Variants in NALF1 observed in about 807,000 individuals in gnomAD.
NALF1 encodes family with sequence similarity 155 member A.
In NALF1, 3 loss-of-function variants were observed where a neutral mutation model predicts 48.4. That is an observed-to-expected ratio of 0.06 (90% CI 0.03 to 0.16). The LOEUF (loss-of-function observed/expected upper bound fraction) is 0.16. Ranked by LOEUF, NALF1 falls within the 10% of genes least tolerant of loss-of-function variation. The probability of loss-of-function intolerance (pLI) is 1.00; values close to 1 mark genes in which losing one functional copy is unlikely to be tolerated. For synonymous variants in NALF1, 262 were observed against 245.7 expected (o/e 1.07, Z -0.62); for missense variants, 526 against 571.5 (o/e 0.92, Z 0.81).
chr13:107,234,556 G>C (rs1880299392), intron 1 of NALF1, among the ~76,000 whole-genome samples: 1 of 152,140 alleles, frequency 6.6e-6, no homozygotes, highest in East Asian at 1.9e-4. Flanking sequence ...CCGGCCCTGA[G>C]CTCAGCAGTT....
chr13:107,517,967 A>C (rs1052481037), intron 1 of NALF1, among the ~76,000 whole-genome samples: 1 of 152,102 alleles, frequency 6.6e-6, no homozygotes, highest in Admixed American at 6.5e-5. Flanking sequence ...AACAAACAAA[A>C]ACTTAACGTA....
chr13:107,318,279 T>C (rs12584865), intron 1 of NALF1, among the ~76,000 whole-genome samples: 6,645 of 152,238 alleles, frequency 0.044, 229 homozygotes, highest in East Asian at 0.19. Context: ...TGTTATCAAC[T>C]GCACAATTCC....
chr13:107,545,519 C>G (rs1230909151), intron 1 of NALF1, among the ~76,000 whole-genome samples: 1 of 152,110 alleles, frequency 6.6e-6, no homozygotes, highest in African/African-American at 2.4e-5. Context: ...CTGTGTTTAT[C>G]TCAGGAAGGA....
At chr13:107,489,687 A>G (rs1885384664) in intron 1 of NALF1, among the ~76,000 whole-genome samples, 1 of 152,180 alleles carries the variant, frequency 6.6e-6, no homozygotes, top group Admixed American at 6.5e-5. Context: ...AACCTAGGCA[A>G]TACCATTCAG....
chr13:107,280,949 G>C, intron 1 of NALF1, among the ~76,000 whole-genome samples: 1 of 152,132 alleles, frequency 6.6e-6, no homozygotes, highest in South Asian at 2.1e-4. Context: ...GCATAATGGA[G>C]CTTTATCTTT....
chr13:107,698,348 G>A (rs1345695398), intron 1 of NALF1, among the ~76,000 whole-genome samples: 1 of 152,052 alleles, frequency 6.6e-6, no homozygotes, highest in African/African-American at 2.4e-5. Context: ...AAGTAATTGT[G>A]GCAATTTACA....
intron 1 of NALF1, among the ~76,000 whole-genome samples, chr13:107,626,651 A>G (rs1285203463): frequency 6.6e-6 from 1 of 152,126 alleles, no homozygotes; most frequent in African/African-American, 2.4e-5. Context: ...ATGAAACTGG[A>G]TATCATTATG....
intron 1 of NALF1, among the ~76,000 whole-genome samples, chr13:107,288,618 G>A (rs1374411148): frequency 4.8e-5 from 7 of 147,158 alleles, no homozygotes; most frequent in Non-Finnish European, 7.4e-5. Flanking sequence ...TGCAACCTCC[G>A]CCTCCTCAGT....
At chr13:107,474,210 T>C (rs928514055) in intron 1 of NALF1, among the ~76,000 whole-genome samples, 4 of 152,186 alleles carry the variant, frequency 2.6e-5, no homozygotes, top group Non-Finnish European at 4.4e-5. Flanking sequence ...ATCCCTAACA[T>C]TGTCAATGGA....
intron 1 of NALF1, among the ~76,000 whole-genome samples, chr13:107,791,376 A>T (rs1379060972): frequency 6.6e-6 from 1 of 152,146 alleles, no homozygotes; most frequent in Non-Finnish European, 1.5e-5. Flanking sequence ...GCTAGCTATC[A>T]ATCATCTATG....
rs566537560 is a variant in NALF1, at chr13:107,726,223, C to T, written c.915+139459G>A. Among the ~76,000 whole-genome samples, 183 of 152,076 alleles carry T rather than the reference C, an allele frequency of 1.2e-3. 1 individual carries two copies. The highest frequency in any genetic ancestry group is 3.9e-3 in the African/African-American group (164 of 41,530). On this transcript the variant is annotated intron_variant, in intron 1 of 2. Transcript: ENST00000375915. Reference sequence around the variant, plus strand: ...CTTTTTGATGTGCAAAAATGCAACTCTCTTATGTTTTTTATTTTACCAGTA... The same window carrying T: ...CTTTTTGATGTGCAAAAATGCAACTTTCTTATGTTTTTTATTTTACCAGTA...
intron 1 of NALF1, among the ~76,000 whole-genome samples, chr13:107,394,828 GAAC>G (rs1353909291): frequency 6.6e-6 from 1 of 152,006 alleles, no homozygotes; most frequent in African/African-American, 2.4e-5. Flanking sequence ...GGCCTGGAAG[GAAC>G]AATAGGAGAA....
chr13:107,287,907 A>G (rs562672447), intron 1 of NALF1, among the ~76,000 whole-genome samples: 3 of 151,716 alleles, frequency 2.0e-5, no homozygotes, highest in South Asian at 4.2e-4. Flanking sequence ...GGGTTTCATC[A>G]TCTTGGCCAG....
intron 1 of NALF1, among the ~76,000 whole-genome samples, chr13:107,336,421 A>G (rs1882558100): frequency 6.6e-6 from 1 of 151,980 alleles, no homozygotes; most frequent in Admixed American, 6.6e-5. Context: ...CGAGTAGAAA[A>G]ATTACATTTC....
intron 1 of NALF1, among the ~76,000 whole-genome samples, chr13:107,367,523 G>C (rs114611487): frequency 6.6e-6 from 1 of 152,138 alleles, no homozygotes; most frequent in Non-Finnish European, 1.5e-5. Flanking sequence ...GAGAGAACTT[G>C]GAGAGGAATT....
intron 1 of NALF1, among the ~76,000 whole-genome samples, chr13:107,620,029 T>G (rs539930191): frequency 6.6e-6 from 1 of 152,370 alleles, no homozygotes; most frequent in East Asian, 1.9e-4. Flanking sequence ...TGTCACATAT[T>G]AATTGAACAC....
intron 1 of NALF1, among the ~76,000 whole-genome samples, chr13:107,279,339 T>C (rs1430928417): frequency 3.9e-5 from 6 of 152,240 alleles, no homozygotes; most frequent in Non-Finnish European, 5.9e-5. Flanking sequence ...CACTGCAACC[T>C]CTGCCACCCG....
intron 1 of NALF1, among the ~76,000 whole-genome samples, chr13:107,715,647 G>A (rs1226978357): frequency 1.3e-5 from 2 of 152,140 alleles, no homozygotes; most frequent in Admixed American, 6.5e-5. Flanking sequence ...ACGTACAGGA[G>A]GACCTTGACA....
chr13:107,398,892 A>G (rs1883757431), intron 1 of NALF1, among the ~76,000 whole-genome samples: 1 of 152,194 alleles, frequency 6.6e-6, no homozygotes, highest in African/African-American at 2.4e-5. Context: ...ACTGATGGCC[A>G]GGAGCATTTC....
Sources: allele counts gnomAD v4.1 joint callset (sites outside exome capture counted in the v4.1 genomes callset), GRCh38; gene constraint gnomAD v4.1.1; transcripts MANE v1.5; gene names NCBI Gene and HGNC (gene_info 2026-07-23, HGNC 2026-07-21).